Variants in NCMAP observed in about 807,000 individuals in gnomAD.
NCMAP encodes the protein non-compact myelin associated protein.
Under a neutral mutation model 7.8 loss-of-function variants are expected in NCMAP, and 8 were observed. The observed-to-expected ratio is 1.02, with a 90% CI of 0.60 to 1.84. The LOEUF (loss-of-function observed/expected upper bound fraction) is 1.84. NCMAP is among the 40% of genes most tolerant of loss of function. NCMAP has a pLI of 0.00. For missense variants in NCMAP, 112 were observed against 131.4 expected, an observed-to-expected ratio of 0.85 and a Z score of 0.72; for synonymous variants, 41 against 52.9, an observed-to-expected ratio of 0.78 and a Z score of 0.98.
chr1:24,603,271 C>G (rs1262401250), intron 3 of NCMAP, among the ~76,000 whole-genome samples: 1 of 151,870 alleles, frequency 6.6e-6, no homozygotes, highest in African/African-American at 2.4e-5. Flanking sequence ...TTGTTCAGCC[C>G]TAATTAGCAC....
At chr1:24,578,562 T>TTC (rs1250702667) in intron 1 of NCMAP, among the ~76,000 whole-genome samples, 24 of 77,036 alleles carry the variant, frequency 3.1e-4, no homozygotes, top group South Asian at 2.0e-3. Flanking sequence ...CTTTCTTTCT[T>TTC]TTTTTTTTTT....
intron 1 of NCMAP, among the ~76,000 whole-genome samples, chr1:24,580,184 A>G (rs1346633729): frequency 1.3e-5 from 2 of 152,246 alleles, no homozygotes; most frequent in Non-Finnish European, 2.9e-5. Context: ...GCCACCAGCC[A>G]CGGCGGGTAC....
chr1:24,572,175 T>TG (rs1309134123), intron 1 of NCMAP, among the ~76,000 whole-genome samples: 1 of 150,558 alleles, frequency 6.6e-6, no homozygotes, highest in East Asian at 1.9e-4. Context: ...GAAAGTTCTC[T>TG]GGGGTGGCTG....
chr1:24,573,903 G>A (rs906915790), intron 1 of NCMAP, among the ~76,000 whole-genome samples: 1 of 143,278 alleles, frequency 7.0e-6, no homozygotes, highest in Non-Finnish European at 1.5e-5. Context: ...GGGAAGATCC[G>A]CTCCCAGTGT....
chr1:24,572,416 G>C (rs1057138629), intron 1 of NCMAP, among the ~76,000 whole-genome samples: 8 of 150,718 alleles, frequency 5.3e-5, no homozygotes, highest in Admixed American at 4.6e-4. Flanking sequence ...GCAGTCAGTG[G>C]TCACTGAATG....
In NCMAP at chr1:24,605,822, G is replaced by A. The variant is rs1198438691; in HGVS notation, c.*75G>A. On this transcript the variant is annotated 3_prime_UTR_variant, in exon 4 of 4. Coordinates refer to ENST00000374392, the MANE Select transcript of NCMAP (RefSeq NM_001010980.5). ...TCAAGACCCAGAGGCACACTCTCTG[G>A]CAGCTTCACAATGAGCTTCTTCTGG... 25 of 1,552,020 alleles carry A rather than the reference G, an allele frequency of 1.6e-5. No homozygotes were observed. Among genetic ancestry groups the A allele is most frequent in the Non-Finnish European group, 2.1e-5 (24 of 1,134,898 alleles).
At chr1:24,567,685 C>T (rs1314838232) in intron 1 of NCMAP, among the ~76,000 whole-genome samples, 1 of 152,154 alleles carries the variant, frequency 6.6e-6, no homozygotes, top group Non-Finnish European at 1.5e-5. Flanking sequence ...GGGGACATAA[C>T]TAAGCCGGAG....
chr1:24,583,181 G>A (rs1651789175), intron 1 of NCMAP, among the ~76,000 whole-genome samples: 1 of 152,122 alleles, frequency 6.6e-6, no homozygotes, highest in South Asian at 2.1e-4. Context: ...AAGGACATTT[G>A]GAAATGTCCT....
rs909216374 is a variant in NCMAP, at chr1:24,576,088, C to T, written c.-7-19336C>T. ...GTCCAGAGCTTCTCCTGCCCTCCCT[C>T]GCTGTCCCCATCCTCCACCCTCACC... On this transcript the variant is annotated intron_variant, in intron 1 of 3. Transcript: ENST00000374392. The surrounding 1 kb of genome is among the most constrained non-coding windows in gnomAD (Gnocchi z 4.0). Among the ~76,000 whole-genome samples, 49 of 152,196 alleles carry T rather than the reference C, an allele frequency of 3.2e-4. No individual in the cohort carries two copies. Among genetic ancestry groups the T allele is most frequent in the African/African-American group, 1.1e-3 (46 of 41,542 alleles).
Position 24,576,447 on chromosome 1 carries a change from CA to C in NCMAP, c.-7-18976del, listed in dbSNP as rs1651562586. On this transcript the variant is annotated intron_variant, in intron 1 of 3. Coordinates refer to ENST00000374392, the MANE Select transcript of NCMAP (RefSeq NM_001010980.5). The surrounding 1 kb of genome is among the most constrained non-coding windows in gnomAD (Gnocchi z 4.0). ...CCCAACTCCTGTCCTCTCTGGAGTC[CA>C]GCGGCTGCCAGGCCCAGGCTTGGCA... 6.6e-6 allele frequency among the ~76,000 whole-genome samples: 1 copy of C among 152,136 alleles called. No individual in the cohort carries two copies. The highest frequency in any genetic ancestry group is 1.5e-5 in the Non-Finnish European group (1 of 68,020).
At chr1:24,557,578 G>C (rs145363263) in intron 1 of NCMAP, among the ~76,000 whole-genome samples, 77 of 152,308 alleles carry the variant, frequency 5.1e-4, no homozygotes, top group Middle Eastern at 3.4e-3. Flanking sequence ...GGGAGTGGAT[G>C]ATGGGGCAGG....
At chr1:24,573,971 A>AAAAAAAAAAAAAAC (rs1337931415) in intron 1 of NCMAP, among the ~76,000 whole-genome samples, 2 of 137,490 alleles carry the variant, frequency 1.5e-5, no homozygotes, top group African/African-American at 5.9e-5. Flanking sequence ...AAAAAAAAAA[A>AAAAAAAAAAAAAAC]CAGAAAAAAG....
At chr1:24,564,678 A>C (rs896415904) in intron 1 of NCMAP, among the ~76,000 whole-genome samples, 5 of 152,118 alleles carry the variant, frequency 3.3e-5, no homozygotes, top group Non-Finnish European at 7.4e-5. Flanking sequence ...GTACAGATTG[A>C]AAGAGCTCAT....
intron 1 of NCMAP, among the ~76,000 whole-genome samples, chr1:24,560,162 A>C: frequency 1.7e-5 from 1 of 58,184 alleles, no homozygotes; most frequent in Non-Finnish European, 3.4e-5. Flanking sequence ...CTCCATCTCA[A>C]AAAAAAAAAA....
At chr1:24,581,210 AG>A (rs1374126713) in intron 1 of NCMAP, among the ~76,000 whole-genome samples, 1 of 151,022 alleles carries the variant, frequency 6.6e-6, no homozygotes, top group African/African-American at 2.4e-5. Flanking sequence ...TCCACTTCCC[AG>A]GTTCAAGCGA....
intron 1 of NCMAP, among the ~76,000 whole-genome samples, chr1:24,567,317 C>T (rs192872179): frequency 1.6e-4 from 25 of 152,258 alleles, no homozygotes; most frequent in African/African-American, 5.5e-4. Flanking sequence ...ACAACACTTT[C>T]AGGTGATAAG....
At position 24,608,548 on chromosome 1, in the gene NCMAP, C is replaced by G. The variant is rs1229518365; in HGVS notation, c.*2801C>G. ...GCATCTAACCAGAGCAAAGCCATTT[C>G]TTTGAGGGCTCAAGCCATAAACAAA... On this transcript the variant is annotated 3_prime_UTR_variant, in exon 4 of 4. Transcript: ENST00000374392. The G allele has an allele frequency of 6.6e-6, 1 of 152,230 alleles. No individual in the cohort carries two copies. 9.4% of individuals were successfully genotyped at this position (152,230 alleles called of 1,614,324 possible). A position where few individuals can be genotyped will look rare whatever the true frequency, so the allele number is the denominator to read the frequency against.
chr1:24,598,737 A>C (rs985799637), intron 2 of NCMAP, among the ~76,000 whole-genome samples: 1 of 151,212 alleles, frequency 6.6e-6, no homozygotes, highest in African/African-American at 2.4e-5. Flanking sequence ...TCCCGGGCTC[A>C]AGCGATTCTC....
intron 1 of NCMAP, among the ~76,000 whole-genome samples, chr1:24,560,413 C>T (rs1651017793): frequency 1.3e-5 from 2 of 152,182 alleles, no homozygotes; most frequent in Admixed American, 1.3e-4. Context: ...ACACAGTGGC[C>T]TTGCTTTGAA....
Sources: gnomAD v4.1 joint callset for allele counts (sites outside exome capture counted in the v4.1 genomes callset) on GRCh38, gnomAD v4.1.1 for gene constraint, Gnocchi (gnomAD v3.1) non-coding constraint, MANE v1.5 for transcripts, NCBI Gene and HGNC (gene_info 2026-07-23, HGNC 2026-07-21) for gene names.